Variants in CSRP2 observed in about 807,000 individuals in gnomAD.
The protein encoded by CSRP2 is cysteine and glycine-rich protein 2.
In CSRP2, 18 loss-of-function variants were observed where a neutral mutation model predicts 24.6. That is an observed-to-expected ratio of 0.73 (90% CI 0.51 to 1.09). The LOEUF (loss-of-function observed/expected upper bound fraction) is 1.09. Among genes scored for constraint, CSRP2 ranks in the 50% least tolerant of loss-of-function variants. The pLI is 0.00. For synonymous variants in CSRP2, 87 were observed against 84.3 expected, an observed-to-expected ratio of 1.03 and a Z score of -0.18; for missense variants, 215 against 239.4, an observed-to-expected ratio of 0.90 and a Z score of 0.67.
At chr12:76,859,435 A>T in intron 5 of CSRP2, 112 bp downstream of exon 5, 1 of 724,282 alleles carries the variant, frequency 1.4e-6, no homozygotes, top group Non-Finnish European at 2.3e-6. Flanking sequence ...TTTTATTTTC[A>T]GAAAATAGTG....
At chr12:76,872,731 T>C (rs75841685) in intron 1 of CSRP2, among the ~76,000 whole-genome samples, 12 of 152,314 alleles carry the variant, frequency 7.9e-5, no homozygotes, top group East Asian at 7.7e-4. Context: ...CTGGTATCCA[T>C]TGCAGGTGGG....
intron 2 of CSRP2, chr12:76,864,510 G>C (rs764930390): frequency 6.6e-6 from 1 of 152,124 alleles, no homozygotes; most frequent in Non-Finnish European, 1.5e-5. Flanking sequence ...ATAAATGCTT[G>C]AGGTAATGGA....
At chr12:76,867,122 TCTCA>T (rs1213621301) in intron 1 of CSRP2, among the ~76,000 whole-genome samples, 3 of 152,082 alleles carry the variant, frequency 2.0e-5, no homozygotes, top group African/African-American at 7.2e-5. Context: ...TCCTAGGGTG[TCTCA>T]CTGTCATGTA....
intron 1 of CSRP2, among the ~76,000 whole-genome samples, chr12:76,870,416 G>T (rs1953784889): frequency 6.6e-6 from 1 of 152,118 alleles, no homozygotes. Flanking sequence ...CTTATTCTAA[G>T]TTAACTGCAC....
chr12:76,858,820 C>T lies in CSRP2; in HGVS notation c.*132G>A, dbSNP rs1336983761. On this transcript the variant is annotated 3_prime_UTR_variant, in exon 6 of 6. Coordinates refer to ENST00000311083, the MANE Select transcript of CSRP2 (RefSeq NM_001321.3). The stretch of plus-strand genomic sequence containing the variant: ...TGCTCTCTTCCTACGAGTTAGCCAG[C>T]CTATCCAAGTACAGGGCGATATACA... 2.7e-6 allele frequency: 2 copies of T among 744,582 alleles called. No homozygotes were observed. The highest frequency in any genetic ancestry group is 4.5e-6 in the Non-Finnish European group (2 of 444,910). The allele number at this position is 744,582 out of a possible 1,614,324, so 46.1% of individuals were successfully genotyped here.
intron 1 of CSRP2, among the ~76,000 whole-genome samples, chr12:76,877,597 A>C (rs1329723793): frequency 6.6e-6 from 1 of 152,232 alleles, no homozygotes; most frequent in African/African-American, 2.4e-5. Context: ...GTAACACAGA[A>C]CCAAAAGAGC....
chr12:76,862,135 C>T (rs1565821053), intron 3 of CSRP2: 1 of 152,158 alleles, frequency 6.6e-6, no homozygotes, highest in Non-Finnish European at 1.5e-5. Context: ...TGGTCTTGTC[C>T]AAAGGCCATT....
chr12:76,862,149 T>G (rs1391430567), intron 3 of CSRP2: 1 of 152,214 alleles, frequency 6.6e-6, no homozygotes, highest in African/African-American at 2.4e-5. Flanking sequence ...GGCCATTTTG[T>G]TGGACTATTA....
intron 3 of CSRP2, chr12:76,861,555 A>G (rs939357691): frequency 2.0e-5 from 3 of 152,058 alleles, no homozygotes; most frequent in African/African-American, 7.2e-5. Context: ...AATAGATGTA[A>G]CAAGATGGAA....
rs546693898 is a variant in CSRP2 at position 76,872,481 on chromosome 12, T to TATGCAAATGCAGGCCATGTGGGCC, written c.-1-6244_-1-6221dup. Among the ~76,000 whole-genome samples, 22 of 152,356 alleles carry TATGCAAATGCAGGCCATGTGGGCC rather than the reference T, an allele frequency of 1.4e-4. No homozygotes were observed. In the South Asian group the frequency reaches 4.1e-3, roughly 29 times the overall value. ...TTAGAGCCAGGCCAGCAACCTTTGA[T>TATGCAAATGCAGGCCATGTGGGCC]ATGCAAATGCAGGCCATGTGGGCCA... On this transcript the variant is annotated intron_variant, in intron 1 of 5. Transcript: ENST00000311083.
At chr12:76,863,121 C>T (rs543617481) in intron 3 of CSRP2, 55 bp downstream of exon 3, 39 of 1,545,976 alleles carry the variant, frequency 2.5e-5, no homozygotes, top group South Asian at 2.0e-4. Flanking sequence ...GTTCAGCAAG[C>T]GGCACTAACT....
At chr12:76,859,153 G>C in intron 5 of CSRP2, 125 bp from the exon 6 acceptor site, 7 of 727,680 alleles carry the variant, frequency 9.6e-6, no homozygotes, top group Non-Finnish European at 1.7e-5. Context: ...ACTTATTTAA[G>C]ATGTTAAATG....
intron 5 of CSRP2, 42 bp from the exon 6 acceptor site, chr12:76,859,070 T>C: frequency 6.4e-7 from 1 of 1,559,660 alleles, no homozygotes; most frequent in Non-Finnish European, 8.8e-7. Flanking sequence ...GCAAGTCCAT[T>C]AAGCTTTGCT....
chr12:76,871,315 T>C (rs1162698808), intron 1 of CSRP2, among the ~76,000 whole-genome samples: 1 of 152,186 alleles, frequency 6.6e-6, no homozygotes, highest in Non-Finnish European at 1.5e-5. Context: ...AGTACTCTAG[T>C]AGGAAAACCC....
chr12:76,863,319 G>C lies in CSRP2; in HGVS notation c.138C>G (p.Ser46Arg), dbSNP rs2137825042. The C allele has an allele frequency of 6.2e-7, 1 of 1,614,140 alleles. No homozygotes were observed. Among genetic ancestry groups the C allele is most frequent in the Non-Finnish European group, 8.5e-7 (1 of 1,180,022 alleles). Reference sequence around the variant, plus strand: ...CTTCATCGTGAATTGCCACTGTTGTGCTATCTAAATTTTTCCTGCAAACCA... The same window carrying C: ...CTTCATCGTGAATTGCCACTGTTGTCCTATCTAAATTTTTCCTGCAAACCA... Reference protein sequence around the residue: ...LCMVCRKNLDSTTVAIHDEEI... With the variant: ...LCMVCRKNLDRTTVAIHDEEI... The change falls in exon 3 of 6, where the codon AGC (serine) becomes AGG (arginine). Residue 46 changes from serine (S) to arginine (R), a missense_variant. By Grantham distance (110) the Ser-to-Arg change is moderately radical (BLOSUM62 -1). Transcript: ENST00000311083.
At chr12:76,870,557 T>A (rs950204941) in intron 1 of CSRP2, among the ~76,000 whole-genome samples, 1 of 152,212 alleles carries the variant, frequency 6.6e-6, no homozygotes, top group Admixed American at 6.5e-5. Context: ...ACACCATCTA[T>A]CAGAGTATTT....
Position 76,860,372 on chromosome 12 carries a change from T to A in CSRP2, c.323A>T (p.Lys108Ile), listed in dbSNP as rs1241896757. ...HRPTTNPNTS[K>I]FAQKYGGAEK... ...AGCACCTCCATATTTCTGAGCAAAT[T>A]TAGAAGTGTTTGGATTTGTTGTAGG... The change falls in exon 4 of 6, where the codon AAA becomes ATA. Residue 108 changes from lysine (K) to isoleucine (I), a missense_variant. By Grantham distance (102) the Lys-to-Ile change is moderately radical. Transcript: ENST00000311083. 3 of 1,614,090 alleles carry A rather than the reference T, an allele frequency of 1.9e-6. No individual in the cohort carries two copies. Among genetic ancestry groups the A allele is most frequent in the East Asian group, 4.5e-5 (2 of 44,870 alleles).
At chr12:76,866,375 A>C in intron 1 of CSRP2, 114 bp from the exon 2 acceptor site, 1 of 666,298 alleles carries the variant, frequency 1.5e-6, no homozygotes, top group Non-Finnish European at 2.6e-6. Flanking sequence ...AACCTCTCTA[A>C]CCACATCTTT....
At position 76,863,387 on chromosome 12, in the gene CSRP2, C is replaced by A. The variant is rs111467503; in HGVS notation, c.113-43G>T. 14 of 1,594,822 alleles carry A rather than the reference C, an allele frequency of 8.8e-6. No homozygotes were observed. The African/African-American group carries it at 1.2e-4, about 14-fold the overall frequency. On this transcript the variant is annotated intron_variant, in intron 2 of 5. Coordinates refer to ENST00000311083, the MANE Select transcript of CSRP2 (RefSeq NM_001321.3). ...AGACTTTACACATGTTCCAAAGATG[C>A]CTTTTTCCTTAGAACAATGGTGGCA...
Sources: allele counts gnomAD v4.1 joint callset (sites outside exome capture counted in the v4.1 genomes callset), GRCh38; gene constraint gnomAD v4.1.1; transcripts MANE v1.5; gene names NCBI Gene and HGNC (gene_info 2026-07-23, HGNC 2026-07-21).